Variants in ANXA8 observed in about 807,000 individuals in gnomAD.
ANXA8 encodes the protein VAC-beta.
A neutral mutation model predicts 26.8 loss-of-function variants in ANXA8; 9 were observed. That is an observed-to-expected ratio of 0.34 (90% CI 0.20 to 0.59). ANXA8 has a LOEUF of 0.59. Ranked by LOEUF, ANXA8 falls within the 20% of genes least tolerant of loss-of-function variation. ANXA8 has a pLI of 0.84. For synonymous variants in ANXA8, 39 were observed against 94.8 expected (o/e 0.41, Z 3.42); for missense variants, 83 against 238.5 (o/e 0.35, Z 4.29).
chr10:47,881,761 CAGG>C, the ANXA8 span, among the ~76,000 whole-genome samples: 1 of 107,468 alleles, frequency 9.3e-6, no homozygotes, highest in East Asian at 3.2e-4. Flanking sequence ...TGTGTGAGTG[CAGG>C]AGTTTGTATG....
the ANXA8 span, among the ~76,000 whole-genome samples, chr10:47,644,750 C>T: frequency 6.6e-6 from 1 of 151,040 alleles, no homozygotes; most frequent in Non-Finnish European, 1.5e-5. Flanking sequence ...TTTTATCATT[C>T]AACCTATTAG....
chr10:47,968,739 A>G, the ANXA8 span, among the ~76,000 whole-genome samples: 225 of 151,298 alleles, frequency 1.5e-3, 10 homozygotes, highest in Middle Eastern at 3.4e-3. Context: ...AGTCATGGTC[A>G]TCAAAAGTTA....
the ANXA8 span, among the ~76,000 whole-genome samples, chr10:47,736,736 C>T: frequency 2.1e-4 from 30 of 146,142 alleles, no homozygotes; most frequent in Non-Finnish European, 2.9e-4. Flanking sequence ...CTCACTGCAA[C>T]ATCTGCCTCC....
At chr10:47,658,843 ATTTATTATTTAT>A in the ANXA8 span, among the ~76,000 whole-genome samples, 1 of 135,650 alleles carries the variant, frequency 7.4e-6, no homozygotes, top group Non-Finnish European at 1.5e-5. Context: ...GTTTTTATTT[ATTTATTATTTAT>A]TTATTTATTT....
the ANXA8 span, among the ~76,000 whole-genome samples, chr10:47,908,943 T>A: frequency 1.9e-5 from 1 of 52,014 alleles, no homozygotes; most frequent in South Asian, 7.9e-4. Context: ...AATGGAATAG[T>A]TACTCTAATT....
the ANXA8 span, among the ~76,000 whole-genome samples, chr10:47,940,348 T>A: frequency 6.9e-6 from 1 of 145,792 alleles, no homozygotes; most frequent in Non-Finnish European, 1.5e-5. Context: ...TATTGGAGCT[T>A]GAAGGTGAGC....
At chr10:47,666,257 T>A in the ANXA8 span, among the ~76,000 whole-genome samples, 1 of 147,400 alleles carries the variant, frequency 6.8e-6, no homozygotes, top group East Asian at 2.0e-4. Context: ...AGGCCTTGAA[T>A]GTTTGGGTAG....
chr10:47,659,462 CTGAGGTCAGGAGT>C, the ANXA8 span, among the ~76,000 whole-genome samples: 1 of 151,454 alleles, frequency 6.6e-6, no homozygotes, highest in African/African-American at 2.4e-5. Flanking sequence ...GGCGGATCAC[CTGAGGTCAGGAGT>C]TCGAGACCAG....
the ANXA8 span, among the ~76,000 whole-genome samples, chr10:47,952,022 A>G: frequency 6.6e-6 from 1 of 150,584 alleles, no homozygotes; most frequent in South Asian, 2.1e-4. Flanking sequence ...ATCTAGATAG[A>G]TGTTATAAAA....
chr10:47,693,219 C>T, the ANXA8 span, among the ~76,000 whole-genome samples: 4 of 151,118 alleles, frequency 2.6e-5, no homozygotes, highest in Admixed American at 6.6e-5. Context: ...ATAGTCCTAC[C>T]AAATAGTTTA....
the ANXA8 span, among the ~76,000 whole-genome samples, chr10:47,755,555 C>CTT: frequency 0.38 from 32,403 of 84,532 alleles, 3,720 homozygotes; most frequent in South Asian, 0.47. Flanking sequence ...GTGCCCGGCC[C>CTT]TTTTTTTTTT....
the ANXA8 span, chr10:47,986,182 CAA>C: frequency 8.6e-5 from 13 of 150,314 alleles, no homozygotes; most frequent in African/African-American, 2.9e-4. Flanking sequence ...AAACAATTTT[CAA>C]AAGTGTTTGC....
At chr10:47,753,129 A>G in the ANXA8 span, 1,138 of 980,704 alleles carry the variant, frequency 1.2e-3, 1 homozygote, top group Non-Finnish European at 1.3e-3. Context: ...AATAAAAAAA[A>G]AAAAGAAAAA....
chr10:47,590,545 G>T, the ANXA8 span, among the ~76,000 whole-genome samples: 4 of 146,296 alleles, frequency 2.7e-5, 1 homozygote, highest in African/African-American at 2.8e-5. Context: ...TTTTGGATCA[G>T]GTTCCCTGCA....
At chr10:47,945,767 A>AATTGATC in the ANXA8 span, among the ~76,000 whole-genome samples, 7 of 130,380 alleles carry the variant, frequency 5.4e-5, no homozygotes, top group Non-Finnish European at 1.1e-4. Flanking sequence ...GCCAGAGGGA[A>AATTGATC]ATTGATCAGG....
chr10:47,687,083 G>C, the ANXA8 span, among the ~76,000 whole-genome samples: 1 of 150,480 alleles, frequency 6.6e-6, no homozygotes, highest in African/African-American at 2.4e-5. Flanking sequence ...CAGCCTGGGT[G>C]AGAGAGAGAG....
At chr10:47,623,295 G>A in the ANXA8 span, among the ~76,000 whole-genome samples, 1 of 110,564 alleles carries the variant, frequency 9.0e-6, no homozygotes, top group Non-Finnish European at 2.0e-5. Flanking sequence ...GCTTGCTACT[G>A]TACACAACGC....
chr10:47,976,313 C>T, the ANXA8 span, among the ~76,000 whole-genome samples: 2 of 150,746 alleles, frequency 1.3e-5, no homozygotes, highest in African/African-American at 4.8e-5. Context: ...TAGATTTATT[C>T]AAGAAACACA....
the ANXA8 span, among the ~76,000 whole-genome samples, chr10:47,947,615 T>C: frequency 6.6e-6 from 1 of 150,852 alleles, no homozygotes; most frequent in African/African-American, 2.5e-5. Context: ...TGAGTTCTCA[T>C]GAGATTACCA....
Sources: allele counts gnomAD v4.1 joint callset (sites outside exome capture counted in the v4.1 genomes callset), GRCh38; gene constraint gnomAD v4.1.1; transcripts MANE v1.5; gene names NCBI Gene and HGNC (gene_info 2026-07-23, HGNC 2026-07-21).